MYO9B: variants seen among roughly 807,000 people sequenced by gnomAD.
MYO9B encodes the protein myosin IXB, also known as unconventional myosin-IXb.
Under a neutral mutation model 229.5 loss-of-function variants are expected in MYO9B, and 71 were observed. The ratio of observed to expected loss-of-function variants is 0.31; its 90% CI spans 0.26 to 0.38. MYO9B has a LOEUF of 0.38. MYO9B is among the 10% of genes least tolerant of loss of function. The probability of loss-of-function intolerance (pLI) is 1.00; values close to 1 mark genes in which losing one functional copy is unlikely to be tolerated. For synonymous variants in MYO9B, 1,185 were observed against 1,235.8 expected (o/e 0.96, Z 0.86); for missense variants, 2,255 against 2,920.5 (o/e 0.77, Z 5.25).
intron 1 of MYO9B, among the ~76,000 whole-genome samples, chr19:17,082,356 C>T (rs760759336): frequency 2.0e-5 from 3 of 152,118 alleles, no homozygotes; most frequent in Non-Finnish European, 2.9e-5. Flanking sequence ...CCCAGTCAGC[C>T]GTGCCCTGGG....
intron 5 of MYO9B, 86 bp from the exon 6 acceptor site, chr19:17,154,229 C>A: frequency 7.1e-7 from 1 of 1,406,240 alleles, no homozygotes; most frequent in Non-Finnish European, 1.0e-6. Context: ...TGGGGCCCTG[C>A]CCCACCAGCT....
intron 1 of MYO9B, among the ~76,000 whole-genome samples, chr19:17,085,494 G>T (rs899412336): frequency 6.6e-6 from 1 of 152,056 alleles, no homozygotes; most frequent in Non-Finnish European, 1.5e-5. Flanking sequence ...TGGGATAGGT[G>T]ATAGCTAAAA....
intron 8 of MYO9B, among the ~76,000 whole-genome samples, chr19:17,160,436 G>C (rs1453390550): frequency 1.3e-5 from 2 of 151,960 alleles, no homozygotes; most frequent in Non-Finnish European, 2.9e-5. Flanking sequence ...ATCTGTCAGA[G>C]CTGAGACCTG....
intron 2 of MYO9B, among the ~76,000 whole-genome samples, chr19:17,116,650 G>C (rs558373468): frequency 1.9e-4 from 29 of 152,304 alleles, no homozygotes; most frequent in African/African-American, 6.5e-4. Context: ...AGAGCAGCAG[G>C]CGCTGTGAGG....
chr19:17,151,985 C>T (rs536279534), intron 3 of MYO9B, among the ~76,000 whole-genome samples: 3 of 151,934 alleles, frequency 2.0e-5, no homozygotes, highest in South Asian at 2.1e-4. Flanking sequence ...GTCAGGAGTT[C>T]GAGACCAGCC....
intron 2 of MYO9B, among the ~76,000 whole-genome samples, chr19:17,118,836 A>G (rs889498827): frequency 6.6e-6 from 1 of 151,916 alleles, no homozygotes; most frequent in Non-Finnish European, 1.5e-5. Context: ...ACCTGTGTGG[A>G]GGGAGCTGTT....
chr19:17,113,360 G>T (rs1006758882), intron 2 of MYO9B, among the ~76,000 whole-genome samples: 3 of 152,172 alleles, frequency 2.0e-5, no homozygotes, highest in African/African-American at 7.2e-5. Flanking sequence ...AGGGTCATTG[G>T]GTGCCCGTCC....
At chr19:17,147,182 T>G (rs2072421361) in intron 3 of MYO9B, among the ~76,000 whole-genome samples, 1 of 152,232 alleles carries the variant, frequency 6.6e-6, no homozygotes, top group Admixed American at 6.5e-5. Flanking sequence ...TTGTCCCACC[T>G]GTCTTCCAGG....
chr19:17,141,418 G>A (rs2072338143), intron 2 of MYO9B, among the ~76,000 whole-genome samples: 1 of 152,232 alleles, frequency 6.6e-6, no homozygotes, highest in East Asian at 1.9e-4. Context: ...CCCTGCCCCT[G>A]TGCCCTCCCC....
chr19:17,210,971 A>C, intron 38 of MYO9B, 123 bp downstream of exon 38: 3 of 988,528 alleles, frequency 3.0e-6, no homozygotes, highest in Admixed American at 3.1e-5. Flanking sequence ...CACTGGGCAA[A>C]CAACACTTTT....
At position 17,193,641 on chromosome 19, in the gene MYO9B, G is replaced by A. The variant is rs2073010166; in HGVS notation, c.3128+579G>A. 6.6e-6 allele frequency among the ~76,000 whole-genome samples: 1 copy of A among 152,206 alleles called. No individual in the cohort carries two copies. The highest frequency in any genetic ancestry group is 1.5e-5 in the Non-Finnish European group (1 of 68,046). On this transcript the variant is annotated intron_variant, in intron 21 of 39. Transcript: ENST00000682292. This position sits in a 1 kb window ranked among gnomAD's most constrained non-coding sequence, Gnocchi z 4.3. ...GCCTGTAATCCCAACACTTTGGGAG[G>A]CCTAGATGGGAAGATCGCTTGAGCA... is the stretch of plus-strand genomic sequence containing the variant.
intron 1 of MYO9B, among the ~76,000 whole-genome samples, chr19:17,088,616 G>A (rs6512165): frequency 0.14 from 22,047 of 152,134 alleles, 1,691 homozygotes; most frequent in African/African-American, 0.16. Context: ...GTACCAGACC[G>A]TGGTATGAGC....
intron 2 of MYO9B, among the ~76,000 whole-genome samples, chr19:17,126,232 C>A (rs1326415958): frequency 2.6e-5 from 4 of 152,220 alleles, no homozygotes; most frequent in Non-Finnish European, 5.9e-5. Context: ...CAGGGAGTCT[C>A]TTCTCACCCA....
chr19:17,172,539 C>G lies in MYO9B; in HGVS notation c.1935+62C>G. 6.3e-7 allele frequency: 1 copy of G among 1,592,512 alleles called. No individual in the cohort carries two copies. Among genetic ancestry groups the G allele is most frequent in the Non-Finnish European group, 8.6e-7 (1 of 1,168,920 alleles). ...GGGAAGCCACAGTCAGCCCAGAAGC[C>G]CATGTGGGAGGATCCTCCTGTGGGC... On this transcript the variant is annotated intron_variant, in intron 12 of 39. Transcript: ENST00000682292. The surrounding 1 kb of genome is among the most constrained non-coding windows in gnomAD (Gnocchi z 8.2).
chr19:17,131,892 G>A (rs2072200931), intron 2 of MYO9B, among the ~76,000 whole-genome samples: 1 of 151,732 alleles, frequency 6.6e-6, no homozygotes, highest in African/African-American at 2.4e-5. Context: ...TTGGGGGGTG[G>A]GGCGGGGAAC....
intron 2 of MYO9B, among the ~76,000 whole-genome samples, chr19:17,140,278 T>C (rs538562595): frequency 6.6e-6 from 1 of 152,138 alleles, no homozygotes; most frequent in Non-Finnish European, 1.5e-5. Flanking sequence ...AAGTTCAAGG[T>C]CAAGGCTCTG....
At chr19:17,134,891 G>A (rs111519746) in intron 2 of MYO9B, among the ~76,000 whole-genome samples, 1,834 of 152,212 alleles carry the variant, frequency 0.012, 45 homozygotes, top group African/African-American at 0.04. Context: ...AGCCTCCCAG[G>A]TAGTTGGGAT....
chr19:17,196,840 A>G (rs1290146877), intron 22 of MYO9B, among the ~76,000 whole-genome samples: 1 of 151,954 alleles, frequency 6.6e-6, no homozygotes, highest in Non-Finnish European at 1.5e-5. Context: ...GGATGGATGG[A>G]CAGACAGAAG....
At chr19:17,162,583 T>A in intron 9 of MYO9B, 117 bp downstream of exon 9, 1 of 874,188 alleles carries the variant, frequency 1.1e-6, no homozygotes, top group Non-Finnish European at 1.8e-6. Context: ...ATCAAGAGGC[T>A]GTTTCCCCAC....
Sources: gnomAD v4.1 joint callset for allele counts (sites outside exome capture counted in the v4.1 genomes callset) on GRCh38, gnomAD v4.1.1 for gene constraint, Gnocchi (gnomAD v3.1) non-coding constraint, MANE v1.5 for transcripts, NCBI Gene and HGNC (gene_info 2026-07-23, HGNC 2026-07-21) for gene names.